Variants in GREB1L observed in about 807,000 individuals in gnomAD.
GREB1L encodes the protein GREB1 like retinoic acid receptor coactivator, also known as GREB1-like protein.
A neutral mutation model predicts 200.8 loss-of-function variants in GREB1L; 17 were observed. The ratio of observed to expected loss-of-function variants is 0.08; its 90% CI spans 0.06 to 0.13. The LOEUF (loss-of-function observed/expected upper bound fraction) is 0.13. Ranked by LOEUF, GREB1L falls within the 10% of genes least tolerant of loss-of-function variation. The probability of loss-of-function intolerance (pLI) is 1.00; values close to 1 mark genes in which losing one functional copy is unlikely to be tolerated. For synonymous variants in GREB1L, 789 were observed against 893.0 expected, an observed-to-expected ratio of 0.88 and a Z score of 2.08; for missense variants, 1,657 against 2,367.7, an observed-to-expected ratio of 0.70 and a Z score of 6.23.
chr18:21,395,120 A>G (rs1331247146), intron 4 of GREB1L, among the ~76,000 whole-genome samples: 5 of 150,618 alleles, frequency 3.3e-5, no homozygotes, highest in Admixed American at 6.6e-5. Flanking sequence ...AAAAAAAAAA[A>G]AAGAAAAAAA....
At chr18:21,319,895 A>G (rs751401742) in intron 1 of GREB1L, among the ~76,000 whole-genome samples, 21 of 152,242 alleles carry the variant, frequency 1.4e-4, no homozygotes, top group Non-Finnish European at 1.5e-4. Flanking sequence ...GGCCTAAAGA[A>G]AAAGCAAGGT....
At chr18:21,458,295 A>T (rs1439808813) in intron 15 of GREB1L, among the ~76,000 whole-genome samples, 1 of 152,058 alleles carries the variant, frequency 6.6e-6, no homozygotes, top group Non-Finnish European at 1.5e-5. Context: ...TTATTGTTGC[A>T]TGTCTAGTGC....
chr18:21,415,113 T>A (rs1461311430), intron 7 of GREB1L, among the ~76,000 whole-genome samples: 1 of 152,108 alleles, frequency 6.6e-6, no homozygotes, highest in East Asian at 1.9e-4. Context: ...GGAAGAGAGC[T>A]GCACAAAGAA....
chr18:21,519,198 C>T (rs958250248), intron 31 of GREB1L, among the ~76,000 whole-genome samples: 2 of 152,100 alleles, frequency 1.3e-5, no homozygotes, highest in East Asian at 1.9e-4. Flanking sequence ...CATAGAAGCT[C>T]GTGCCTATAA....
At chr18:21,305,375 A>C in intron 1 of GREB1L, among the ~76,000 whole-genome samples, 1 of 152,080 alleles carries the variant, frequency 6.6e-6, no homozygotes, top group East Asian at 1.9e-4. Flanking sequence ...ATTCCCTTAC[A>C]TAACTGTTCT....
At chr18:21,418,864 G>A (rs768658236) in intron 7 of GREB1L, among the ~76,000 whole-genome samples, 6 of 152,178 alleles carry the variant, frequency 3.9e-5, no homozygotes, top group Admixed American at 6.5e-5. Context: ...CAATAAGCAT[G>A]TATTTATTGA....
chr18:21,414,591 C>T (rs2031437847), intron 7 of GREB1L, among the ~76,000 whole-genome samples: 1 of 152,188 alleles, frequency 6.6e-6, no homozygotes, highest in Admixed American at 6.5e-5. Flanking sequence ...TTTGAACTCT[C>T]TGCTCACTAC....
chr18:21,421,188 T>C (rs1193856974), intron 7 of GREB1L, among the ~76,000 whole-genome samples: 1 of 152,216 alleles, frequency 6.6e-6, no homozygotes, highest in Non-Finnish European at 1.5e-5. Context: ...ATGTTCATTA[T>C]TTTGATTGTG....
chr18:21,334,983 A>G (rs1279769858), intron 1 of GREB1L, among the ~76,000 whole-genome samples: 1 of 152,214 alleles, frequency 6.6e-6, no homozygotes, highest in East Asian at 1.9e-4. Flanking sequence ...TTAAAAGAGA[A>G]CAATCAATTT....
chr18:21,490,642 G>A (rs2036296904), intron 19 of GREB1L, among the ~76,000 whole-genome samples: 16 of 152,120 alleles, frequency 1.1e-4, no homozygotes, highest in Admixed American at 1.0e-3. Context: ...TATTGGCCTT[G>A]TTCAAGATGC....
chr18:21,495,197 T>C (rs1490656573), intron 19 of GREB1L, among the ~76,000 whole-genome samples: 1 of 152,224 alleles, frequency 6.6e-6, no homozygotes, highest in Non-Finnish European at 1.5e-5. Flanking sequence ...GGTTCAATGT[T>C]TTCATTATTT....
At position 21,518,073 on chromosome 18, in the gene GREB1L, A is replaced by G; in HGVS notation, c.5311A>G (p.Ile1771Val). The change falls in exon 31 of 33, where the codon ATC becomes GTC. Residue 1771 changes from isoleucine to valine, a missense_variant. Physicochemically the swap from Ile to Val is conservative, Grantham distance 29. Transcript: ENST00000424526. ...SLAPILPLQY[I>V]CAPDSEHTLL... The stretch of plus-strand genomic sequence containing the variant: ...AGCACCCATCTTGCCCCTTCAATAC[A>G]TCTGTGCTCCCGACAGTGAACACAC... 6.4e-7 allele frequency: 1 copy of G among 1,551,590 alleles called. No individual in the cohort carries two copies. Among genetic ancestry groups the G allele is most frequent in the South Asian group, 1.2e-5 (1 of 84,058 alleles).
intron 1 of GREB1L, among the ~76,000 whole-genome samples, chr18:21,242,652 C>G (rs75770092): frequency 0.05 from 7,596 of 152,268 alleles, 641 homozygotes; most frequent in African/African-American, 0.17. Flanking sequence ...GCGTCGCCCA[C>G]CGAAGGGACC....
intron 7 of GREB1L, among the ~76,000 whole-genome samples, chr18:21,423,047 C>T (rs139401129): frequency 0.022 from 3,383 of 152,238 alleles, 56 homozygotes; most frequent in South Asian, 0.041. Flanking sequence ...TCTCCTGCCT[C>T]AGCATCCCAA....
intron 17 of GREB1L, among the ~76,000 whole-genome samples, chr18:21,480,894 A>C (rs2035888811): frequency 6.6e-6 from 1 of 151,860 alleles, no homozygotes; most frequent in Non-Finnish European, 1.5e-5. Context: ...GTGGCGGGCA[A>C]CTGTAATCCC....
intron 1 of GREB1L, among the ~76,000 whole-genome samples, chr18:21,297,886 C>A (rs1446036357): frequency 6.6e-6 from 1 of 151,938 alleles, no homozygotes; most frequent in African/African-American, 2.4e-5. Flanking sequence ...CTCTGCATGA[C>A]CCCCTAGTTC....
At chr18:21,336,057 A>G (rs576498546) in intron 1 of GREB1L, among the ~76,000 whole-genome samples, 23 of 152,102 alleles carry the variant, frequency 1.5e-4, no homozygotes, top group Non-Finnish European at 2.6e-4. Flanking sequence ...CTGACGTTCT[A>G]TCTTGGTCTC....
At chr18:21,273,313 A>C (rs1405961646) in intron 1 of GREB1L, among the ~76,000 whole-genome samples, 1 of 152,198 alleles carries the variant, frequency 6.6e-6, no homozygotes, top group African/African-American at 2.4e-5. Context: ...ATATGTAGTA[A>C]TATTTTGTCA....
At chr18:21,433,735 A>G (rs2033328846) in intron 7 of GREB1L, among the ~76,000 whole-genome samples, 2 of 152,154 alleles carry the variant, frequency 1.3e-5, no homozygotes, top group Non-Finnish European at 2.9e-5. Flanking sequence ...TGGGATGAAT[A>G]ATTTTCTAGG....
Sources: gnomAD v4.1 joint callset for allele counts (sites outside exome capture counted in the v4.1 genomes callset) on GRCh38, gnomAD v4.1.1 for gene constraint, MANE v1.5 for transcripts, NCBI Gene and HGNC (gene_info 2026-07-23, HGNC 2026-07-21) for gene names.